The following OPHN1 variants were observed in gnomAD, a reference collection of about 807,000 sequenced individuals.
OPHN1 encodes the protein oligophrenin 1, also known as oligophrenin-1.
A neutral mutation model predicts 60.7 loss-of-function variants in OPHN1; 11 were observed. The observed-to-expected ratio is 0.18, with a 90% confidence interval of 0.11 to 0.30. The LOEUF (loss-of-function observed/expected upper bound fraction) is 0.30, where lower values mean the gene tolerates loss of function less well. Ranked by LOEUF, OPHN1 falls within the 10% of genes least tolerant of loss-of-function variation. The probability of loss-of-function intolerance (pLI) is 1.00; values close to 1 mark genes in which losing one functional copy is unlikely to be tolerated. For missense variants in OPHN1, 449 were observed against 611.0 expected, an observed-to-expected ratio of 0.73 and a Z score of 2.80; for synonymous variants, 226 against 222.6, an observed-to-expected ratio of 1.02 and a Z score of -0.14.
intron 5 of OPHN1, among the ~76,000 whole-genome samples, chrX:68,237,537 T>C (rs905369371): frequency 8.9e-6 from 1 of 112,106 alleles, no homozygotes; most frequent in Admixed American, 9.5e-5. Flanking sequence ...CTTTCAATGA[T>C]GTTTTGTAGT....
intron 2 of OPHN1, among the ~76,000 whole-genome samples, chrX:68,367,102 G>A (rs1259746564): frequency 9.0e-6 from 1 of 110,928 alleles, no homozygotes; most frequent in Non-Finnish European, 1.9e-5. Flanking sequence ...GCTCACGCCT[G>A]TAATCCCAGC....
intron 19 of OPHN1, among the ~76,000 whole-genome samples, chrX:68,090,958 A>C (rs5919518): frequency 9.0e-6 from 1 of 110,895 alleles, no homozygotes; most frequent in African/African-American, 3.3e-5. Flanking sequence ...ATGATTAAAA[A>C]GCAGATGCCC....
chrX:68,159,704 A>G (rs982456221), intron 15 of OPHN1, among the ~76,000 whole-genome samples: 1 of 111,858 alleles, frequency 8.9e-6, no homozygotes, highest in Admixed American at 9.5e-5. Context: ...ACAGCTCAGG[A>G]AAATTTAACA....
chrX:68,092,669 A>G (rs1327678598), intron 19 of OPHN1, among the ~76,000 whole-genome samples: 1 of 111,477 alleles, frequency 9.0e-6, no homozygotes, highest in Non-Finnish European at 1.9e-5. Context: ...TCCTGGGAAT[A>G]AGAGATAACT....
At chrX:68,343,581 C>A (rs781030698) in intron 2 of OPHN1, among the ~76,000 whole-genome samples, 1 of 109,776 alleles carries the variant, frequency 9.1e-6, no homozygotes, top group East Asian at 2.9e-4. Flanking sequence ...AAACCAATGA[C>A]ATGTATGGTA....
intron 5 of OPHN1, among the ~76,000 whole-genome samples, chrX:68,250,555 C>A (rs2077828542): frequency 9.0e-6 from 1 of 111,595 alleles, no homozygotes; most frequent in South Asian, 3.8e-4. Context: ...GGTTCAAGTA[C>A]CAGCTCTGCT....
chrX:68,234,435 T>C, intron 6 of OPHN1, 52 bp downstream of exon 6: 1 of 970,443 alleles, frequency 1.0e-6, no homozygotes, highest in Non-Finnish European at 1.5e-6. Context: ...ATTCACACTG[T>C]TTCTAAGGCA....
chrX:68,255,934 G>A (rs893523956), intron 5 of OPHN1, among the ~76,000 whole-genome samples: 1 of 111,186 alleles, frequency 9.0e-6, no homozygotes, highest in African/African-American at 3.3e-5. Flanking sequence ...TGTTGTCTGG[G>A]GTTTGTCATC....
intron 2 of OPHN1, among the ~76,000 whole-genome samples, chrX:68,386,746 C>A (rs2078626082): frequency 8.9e-6 from 1 of 112,217 alleles, no homozygotes; most frequent in Non-Finnish European, 1.9e-5. Context: ...AAACTAATAT[C>A]CGTATTTGGC....
At position 68,389,305 on chromosome X, in the gene OPHN1, T is replaced by C. The variant is rs769235219; in HGVS notation, c.154+43562A>G. ...AAAATGGGCCAGGCACGGTGGCTCATGCCTGTAATTCCAACACTTTGTGAG... is the reference window on the plus strand; with the variant it reads ...AAAATGGGCCAGGCACGGTGGCTCACGCCTGTAATTCCAACACTTTGTGAG... On this transcript the variant is annotated intron_variant, in intron 2 of 24. Transcript: ENST00000355520. Among the ~76,000 whole-genome samples the C allele has an allele frequency of 5.5e-4, 60 of 108,848 alleles. No homozygotes were observed. The East Asian group carries it at 0.017, about 30-fold the overall frequency. 94.5% of individuals were successfully genotyped at this position (108,848 alleles called of 115,157 possible).
Position 68,147,545 on chromosome X carries a change from G to T in OPHN1, c.1277-28213C>A, listed in dbSNP as rs192126213. 2.5e-3 allele frequency among the ~76,000 whole-genome samples: 284 copies of T among 111,843 alleles called. 2 individuals carry two copies. The highest frequency in any genetic ancestry group is 8.8e-3 in the African/African-American group (272 of 30,857). On this transcript the variant is annotated intron_variant, in intron 15 of 24. Transcript: ENST00000355520. ...GGAGATGATAAATCCCCACTTACTT[G>T]CTGAGTGACTTAGGGCAAATTATTT...
chrX:68,051,580 T>C (rs2076851785), intron 23 of OPHN1, among the ~76,000 whole-genome samples: 1 of 111,628 alleles, frequency 9.0e-6, no homozygotes, highest in Non-Finnish European at 1.9e-5. Context: ...TGTTTACCTT[T>C]GAAATGGGGG....
chrX:68,144,057 T>C (rs955105929), intron 15 of OPHN1, among the ~76,000 whole-genome samples: 5 of 111,374 alleles, frequency 4.5e-5, no homozygotes, highest in African/African-American at 1.6e-4. Flanking sequence ...TCAACCAGTT[T>C]GGAGAGCAGT....
intron 5 of OPHN1, among the ~76,000 whole-genome samples, chrX:68,249,754 C>A (rs971942380): frequency 1.1e-4 from 12 of 111,489 alleles, no homozygotes; most frequent in African/African-American, 3.9e-4. Flanking sequence ...GCGGAACAGG[C>A]AGGGCTGTGA....
intron 19 of OPHN1, among the ~76,000 whole-genome samples, chrX:68,092,738 C>T (rs1602150302): frequency 9.0e-6 from 1 of 111,672 alleles, no homozygotes; most frequent in East Asian, 2.8e-4. Context: ...AGCAAAATCA[C>T]ACTTTTATGA....
chrX:68,194,040 G>T, intron 13 of OPHN1, 88 bp from the exon 14 acceptor site: 1 of 797,319 alleles, frequency 1.3e-6, no homozygotes, highest in Non-Finnish European at 1.9e-6. Flanking sequence ...GGACTGCATT[G>T]AGAGAGCTAA....
At chrX:68,266,363 G>C (rs1027737274) in intron 5 of OPHN1, among the ~76,000 whole-genome samples, 2 of 111,548 alleles carry the variant, frequency 1.8e-5, no homozygotes, top group African/African-American at 3.3e-5. Context: ...AAGAGAGTGG[G>C]GGCCAATATT....
chrX:68,245,284 T>C (rs2077800079), intron 5 of OPHN1, among the ~76,000 whole-genome samples: 1 of 111,593 alleles, frequency 9.0e-6, no homozygotes, highest in Non-Finnish European at 1.9e-5. Flanking sequence ...CAATCTACTC[T>C]CCAGTTTCAC....
chrX:68,217,074 C>A (rs1234732493), intron 6 of OPHN1, among the ~76,000 whole-genome samples: 2 of 111,437 alleles, frequency 1.8e-5, no homozygotes, highest in African/African-American at 6.5e-5. Context: ...GGTGCGCGCA[C>A]CGTGCGCGAG....
Sources: allele counts gnomAD v4.1 joint callset (sites outside exome capture counted in the v4.1 genomes callset), GRCh38; gene constraint gnomAD v4.1.1; transcripts MANE v1.5; gene names NCBI Gene and HGNC (gene_info 2026-07-23, HGNC 2026-07-21).